ANKS1B: variants seen among roughly 807,000 people sequenced by gnomAD.
The protein encoded by ANKS1B is ankyrin repeat and sterile alpha motif domain containing 1B, also known as ankyrin repeat and sterile alpha motif domain-containing protein 1B.
In ANKS1B, 36 loss-of-function variants were observed where a neutral mutation model predicts 148.3. The observed-to-expected ratio is 0.24, with a 90% CI of 0.19 to 0.32. ANKS1B has a LOEUF of 0.32. Ranked by LOEUF, ANKS1B falls within the 10% of genes least tolerant of loss-of-function variation. ANKS1B has a pLI of 1.00. For synonymous variants in ANKS1B, 542 were observed against 560.8 expected (o/e 0.97, Z 0.47); for missense variants, 1,157 against 1,542.6 (o/e 0.75, Z 4.19).
At chr12:98,865,487 A>G (rs1014672681) in intron 17 of ANKS1B, among the ~76,000 whole-genome samples, 2 of 152,224 alleles carry the variant, frequency 1.3e-5, no homozygotes, top group African/African-American at 2.4e-5. Context: ...GAGTGGACAA[A>G]GTAAAACAAA....
At chr12:99,333,863 T>TG (rs1555391401) in intron 12 of ANKS1B, among the ~76,000 whole-genome samples, 1 of 149,546 alleles carries the variant, frequency 6.7e-6, no homozygotes. Flanking sequence ...AGTTTTTTTT[T>TG]TTTTTTTTTT....
chr12:99,024,085 G>A (rs1279348668), intron 17 of ANKS1B, among the ~76,000 whole-genome samples: 3 of 151,900 alleles, frequency 2.0e-5, no homozygotes, highest in Admixed American at 6.6e-5. Context: ...ATCAGTGGGT[G>A]TACTATTTCT....
At chr12:99,280,660 CA>C (rs1300230462) in intron 12 of ANKS1B, among the ~76,000 whole-genome samples, 1 of 152,064 alleles carries the variant, frequency 6.6e-6, no homozygotes, top group South Asian at 2.1e-4. Context: ...CTAACTAGAA[CA>C]AAAAGGCCGA....
intron 12 of ANKS1B, among the ~76,000 whole-genome samples, chr12:99,320,888 G>A (rs972153757): frequency 6.6e-6 from 1 of 152,074 alleles, no homozygotes; most frequent in Non-Finnish European, 1.5e-5. Flanking sequence ...TGGTGTGGAT[G>A]TCCTTTCTGT....
intron 12 of ANKS1B, among the ~76,000 whole-genome samples, chr12:99,329,286 C>T (rs552904232): frequency 1.7e-4 from 26 of 151,940 alleles, no homozygotes; most frequent in African/African-American, 6.3e-4. Flanking sequence ...CATGTGAAAA[C>T]ACAGTTCCTG....
chr12:99,970,387 T>A (rs1202444204), intron 1 of ANKS1B, among the ~76,000 whole-genome samples: 2 of 152,330 alleles, frequency 1.3e-5, no homozygotes, highest in East Asian at 3.9e-4. Flanking sequence ...TCCAAACTTG[T>A]ACGCTTTATC....
intron 22 of ANKS1B, among the ~76,000 whole-genome samples, chr12:98,784,199 CTGGAAATCCACCTACATACA>C (rs1456418951): frequency 1.3e-5 from 2 of 152,174 alleles, no homozygotes; most frequent in Non-Finnish European, 2.9e-5. Context: ...AGAATCAGAT[CTGGAAATCCACCTACATACA>C]TGGATGGCCA....
intron 9 of ANKS1B, among the ~76,000 whole-genome samples, chr12:99,542,195 TA>T (rs2097132337): frequency 6.6e-6 from 1 of 152,158 alleles, no homozygotes; most frequent in Non-Finnish European, 1.5e-5. Flanking sequence ...TTATTTGAAA[TA>T]ATGGACAAGT....
At chr12:99,798,749 A>G (rs1304176589) in intron 4 of ANKS1B, among the ~76,000 whole-genome samples, 8 of 152,128 alleles carry the variant, frequency 5.3e-5, no homozygotes, top group Non-Finnish European at 4.4e-5. Context: ...GTTGCTATTC[A>G]AAAGAAGAAA....
chr12:98,826,629 C>T (rs2099250975), intron 19 of ANKS1B, among the ~76,000 whole-genome samples: 1 of 152,168 alleles, frequency 6.6e-6, no homozygotes, highest in African/African-American at 2.4e-5. Flanking sequence ...CTCTCAACTG[C>T]ATTCTCATTT....
At chr12:99,038,305 G>A (rs190021936) in intron 17 of ANKS1B, among the ~76,000 whole-genome samples, 40 of 152,068 alleles carry the variant, frequency 2.6e-4, no homozygotes, top group Middle Eastern at 3.4e-3. Context: ...GAAACCTCAG[G>A]CCAAAAACAT....
intron 12 of ANKS1B, among the ~76,000 whole-genome samples, chr12:99,370,808 A>G (rs2093088027): frequency 6.6e-6 from 1 of 152,158 alleles, no homozygotes; most frequent in African/African-American, 2.4e-5. Flanking sequence ...CTTGGGGGAA[A>G]TTGTGCATTG....
intron 17 of ANKS1B, among the ~76,000 whole-genome samples, chr12:98,845,831 G>A (rs1304035581): frequency 6.6e-6 from 1 of 151,644 alleles, no homozygotes; most frequent in Non-Finnish European, 1.5e-5. Context: ...GAGGTGGTGT[G>A]TTAAGTAACC....
At chr12:99,673,250 C>G (rs1190064833) in intron 8 of ANKS1B, among the ~76,000 whole-genome samples, 1 of 152,178 alleles carries the variant, frequency 6.6e-6, no homozygotes, top group South Asian at 2.1e-4. Flanking sequence ...TCAAGACATA[C>G]TCAGGCAAAA....
At chr12:99,956,277 CAA>C (rs60549978) in intron 1 of ANKS1B, among the ~76,000 whole-genome samples, 48 of 90,118 alleles carry the variant, frequency 5.3e-4, no homozygotes, top group Middle Eastern at 5.6e-3. Flanking sequence ...GACTCTGTCT[CAA>C]AAAAAAAAAA....
chr12:99,755,307 T>G (rs1055604840), intron 8 of ANKS1B, among the ~76,000 whole-genome samples: 20 of 151,864 alleles, frequency 1.3e-4, no homozygotes, highest in African/African-American at 4.8e-4. Context: ...CAGGAAGAAA[T>G]TGATTCTCTG....
Position 99,975,639 on chromosome 12 carries a change from T to A in ANKS1B, c.134+8465A>T, listed in dbSNP as rs1020644230. Among the ~76,000 whole-genome samples the A allele has an allele frequency of 2.6e-5, 4 of 152,350 alleles. No homozygotes were observed. The South Asian group carries it at 8.3e-4, about 32-fold the overall frequency. ...TCTTCTTTTGAGAAATGTCTGTTCA[T>A]GTACTTTACTCATTTTTTAATAGAG... On this transcript the variant is annotated intron_variant, in intron 1 of 26. Transcript: ENST00000683438.
rs118090983 is a variant in ANKS1B at position 99,130,830 on chromosome 12, A to G, written c.2526+23459T>C. ...ACTTTGTCTTCTCAACATACTCTGC[A>G]CTATTGTGTCTTCATGCCCCTTGGT... On this transcript the variant is annotated intron_variant, in intron 15 of 26. Coordinates refer to ENST00000683438, the MANE Select transcript of ANKS1B (RefSeq NM_001352186.2). 4.1e-3 allele frequency among the ~76,000 whole-genome samples: 624 copies of G among 152,250 alleles called. 23 individuals are homozygous for G. The East Asian group carries it at 0.088, about 22-fold the overall frequency.
intron 9 of ANKS1B, among the ~76,000 whole-genome samples, chr12:99,540,133 C>T (rs1250359581): frequency 1.3e-5 from 2 of 151,802 alleles, no homozygotes; most frequent in South Asian, 4.2e-4. Flanking sequence ...AACATATATA[C>T]ACCTAAAAAT....
Sources: allele counts gnomAD v4.1 joint callset (sites outside exome capture counted in the v4.1 genomes callset), GRCh38; gene constraint gnomAD v4.1.1; transcripts MANE v1.5; gene names NCBI Gene and HGNC (gene_info 2026-07-23, HGNC 2026-07-21).